DRG2: variants seen among roughly 807,000 people sequenced by gnomAD.
DRG2 encodes the protein developmentally regulated GTP binding protein 2, also known as developmentally-regulated GTP-binding protein 2.
A neutral mutation model predicts 53.4 loss-of-function variants in DRG2; 36 were observed. That is an observed-to-expected ratio of 0.67 (90% CI 0.52 to 0.89). The LOEUF (loss-of-function observed/expected upper bound fraction) is 0.89, where lower values mean the gene tolerates loss of function less well. DRG2 is among the 40% of genes least tolerant of loss of function. The pLI, the probability that DRG2 is intolerant of heterozygous loss-of-function variation, is 0.00. For synonymous variants in DRG2, 167 were observed against 192.1 expected (o/e 0.87, Z 1.08); for missense variants, 342 against 481.2 (o/e 0.71, Z 2.71).
At position 18,100,279 on chromosome 17, in the gene DRG2, G is replaced by T; in HGVS notation, c.468-84G>T. On this transcript the variant is annotated intron_variant, in intron 5 of 12. Transcript: ENST00000225729. The surrounding 1 kb of genome is among the most constrained non-coding windows in gnomAD (Gnocchi z 4.1). ...GGAGGAGAGAGTCAGTCTCTGGGTG[G>T]GCAGTGACATCCTGCGTAACAGGGA... 1 of 1,381,028 alleles carries T rather than the reference G, an allele frequency of 7.2e-7. No individual in the cohort carries two copies. Among genetic ancestry groups the T allele is most frequent in the Non-Finnish European group, 1.0e-6 (1 of 970,254 alleles). 85.5% of individuals were successfully genotyped at this position (1,381,028 alleles called of 1,614,324 possible).
At position 18,107,281 on chromosome 17, in the gene DRG2, T is replaced by G; in HGVS notation, c.*41T>G. 1 of 1,585,478 alleles carries G rather than the reference T, an allele frequency of 6.3e-7. No homozygotes were observed. Among genetic ancestry groups the G allele is most frequent in the Non-Finnish European group, 8.6e-7 (1 of 1,158,384 alleles). ...CTCCCGCCCACCTGCCTCGTCTCCCTGGGGAGGTGGTCCCACTGGGACACA... is the reference window on the plus strand; with the variant it reads ...CTCCCGCCCACCTGCCTCGTCTCCCGGGGGAGGTGGTCCCACTGGGACACA... On this transcript the variant is annotated 3_prime_UTR_variant, in exon 13 of 13. Transcript: ENST00000225729.
Position 18,098,605 on chromosome 17 carries a change from G to C in DRG2, c.315+246G>C. On this transcript the variant is annotated intron_variant, in intron 3 of 12. Coordinates refer to ENST00000225729, the MANE Select transcript of DRG2 (RefSeq NM_001388.5). This position sits in a 1 kb window ranked among gnomAD's most constrained non-coding sequence, Gnocchi z 4.1. ...GTGGCTACTTTGCCTGGCGCCCCCT[G>C]TGCTCTCCTCCCCAACACCACCACA... 2.0e-6 allele frequency: 1 copy of C among 490,280 alleles called. No homozygotes were observed. Among genetic ancestry groups the C allele is most frequent in the Non-Finnish European group, 3.7e-6 (1 of 268,384 alleles). 30.4% of individuals were successfully genotyped at this position (490,280 alleles called of 1,614,324 possible).
At chr17:18,104,893 G>C (rs1023725819) in intron 11 of DRG2, among the ~76,000 whole-genome samples, 1 of 152,208 alleles carries the variant, frequency 6.6e-6, no homozygotes, top group South Asian at 2.1e-4. Context: ...TGTGAGGGGG[G>C]TGTGCTGCCT....
At chr17:18,090,368 T>TTA (rs1242491729) in intron 1 of DRG2, among the ~76,000 whole-genome samples, 105 of 25,498 alleles carry the variant, frequency 4.1e-3, no homozygotes, top group East Asian at 0.021. Context: ...CCGGGCTAAT[T>TTA]TATATATATA....
At chr17:18,096,851 T>A (rs547298007) in intron 2 of DRG2, 9 of 152,326 alleles carry the variant, frequency 5.9e-5, no homozygotes, top group African/African-American at 2.2e-4. Flanking sequence ...CACACCCAGT[T>A]TCCATTGCTC....
In DRG2 at chr17:18,100,624, C is replaced by T. The variant is rs151078395; in HGVS notation, c.596C>T (p.Ser199Leu). ...FNSTVTLTQC[S>L]EKLVQLILHE... The stretch of plus-strand genomic sequence containing the variant: ...TCGACAGTCACGCTGACCCAGTGCT[C>T]GGAAAAGCTGGTGCAGCTCATCCTG... Residue 199 changes from serine to leucine, a missense_variant, in exon 7 of 13, where the codon TCG becomes TTG. Ser to Leu is a moderately radical substitution (Grantham distance 145). Coordinates refer to ENST00000225729, the MANE Select transcript of DRG2 (RefSeq NM_001388.5). The surrounding 1 kb of genome is among the most constrained non-coding windows in gnomAD (Gnocchi z 4.1). The T allele has an allele frequency of 1.5e-5, 24 of 1,614,016 alleles. No homozygotes were observed. The highest frequency in any genetic ancestry group is 1.5e-4 in the African/African-American group (11 of 74,916).
chr17:18,100,062 A>G lies in DRG2; in HGVS notation c.468-301A>G. On this transcript the variant is annotated intron_variant, in intron 5 of 12. Coordinates refer to ENST00000225729, the MANE Select transcript of DRG2 (RefSeq NM_001388.5). The surrounding 1 kb of genome is among the most constrained non-coding windows in gnomAD (Gnocchi z 4.1). ...TTCATCCACATCCTGGCAGAGGGGTACACCAGGCCTGCCTCCTCGGGACCA... is the reference window on the plus strand; with the variant it reads ...TTCATCCACATCCTGGCAGAGGGGTGCACCAGGCCTGCCTCCTCGGGACCA... 3.5e-6 allele frequency: 2 copies of G among 575,284 alleles called. No homozygotes were observed. Among genetic ancestry groups the G allele is most frequent in the Non-Finnish European group, 6.2e-6 (2 of 322,124 alleles). 35.6% of individuals were successfully genotyped at this position (575,284 alleles called of 1,614,324 possible). A position where few individuals can be genotyped will look rare whatever the true frequency, so the allele number is the denominator to read the frequency against.
intron 2 of DRG2, among the ~76,000 whole-genome samples, chr17:18,094,833 G>A (rs1209021879): frequency 3.3e-5 from 5 of 151,562 alleles, no homozygotes; most frequent in African/African-American, 1.2e-4. Context: ...AATTAGCCAG[G>A]GGTGGTGGCG....
rs2045468212 is a variant in DRG2, at chr17:18,098,306, G to A, written c.262G>A (p.Glu88Lys). The A allele has an allele frequency of 1.9e-6, 3 of 1,613,936 alleles. No individual in the cohort carries two copies. Among genetic ancestry groups the A allele is most frequent in the Non-Finnish European group, 2.5e-6 (3 of 1,179,942 alleles). ...FLSLMTSTAS[E>K]AASYEFTTLT... ...GAGTCTGATGACCTCCACGGCCAGC[G>A]AGGCAGCGTCCTATGAGTTCACCAC... Residue 88 changes from glutamate (E) to lysine (K), a missense_variant, in exon 3 of 13, where the codon GAG (glutamate) becomes AAG (lysine). Glu to Lys is a moderately conservative substitution (Grantham distance 56). Transcript: ENST00000225729. The surrounding 1 kb of genome is among the most constrained non-coding windows in gnomAD (Gnocchi z 4.1).
In DRG2 at chr17:18,098,654, G is replaced by A. The variant is rs772158056; in HGVS notation, c.315+295G>A. On this transcript the variant is annotated intron_variant, in intron 3 of 12. Coordinates refer to ENST00000225729, the MANE Select transcript of DRG2 (RefSeq NM_001388.5). This position sits in a 1 kb window ranked among gnomAD's most constrained non-coding sequence, Gnocchi z 4.1. ...CAGCTCTGGTCACTAATTGCTGCTTGGCTGGATCCTTCTGCCTCCCCATGA... is the reference window on the plus strand; with the variant it reads ...CAGCTCTGGTCACTAATTGCTGCTTAGCTGGATCCTTCTGCCTCCCCATGA... Among the ~76,000 whole-genome samples, 2 of 152,210 alleles carry A rather than the reference G, an allele frequency of 1.3e-5. No individual in the cohort carries two copies. Among genetic ancestry groups the A allele is most frequent in the Non-Finnish European group, 2.9e-5 (2 of 68,040 alleles).
intron 1 of DRG2, among the ~76,000 whole-genome samples, chr17:18,089,036 A>G (rs1029800087): frequency 6.6e-6 from 1 of 152,222 alleles, no homozygotes; most frequent in African/African-American, 2.4e-5. Flanking sequence ...GCAGGAAGCA[A>G]GCAACACTAG....
In DRG2 at chr17:18,090,092, G is replaced by T. The variant is rs185010711; in HGVS notation, c.64+2005G>T. Among the ~76,000 whole-genome samples, 29 of 151,854 alleles carry T rather than the reference G, an allele frequency of 1.9e-4. No homozygotes were observed. The East Asian group carries it at 4.6e-3, about 24-fold the overall frequency. On this transcript the variant is annotated intron_variant, in intron 1 of 12. Coordinates refer to ENST00000225729, the MANE Select transcript of DRG2 (RefSeq NM_001388.5). ...CAGTAGTAGACAAAGGAGATATAAA[G>T]GTGATTAAGACCTAGTCCCTCCCTT...
Position 18,098,982 on chromosome 17 carries a change from G to C in DRG2, c.316-35G>C, listed in dbSNP as rs1018155353. The C allele has an allele frequency of 3.1e-6, 5 of 1,612,686 alleles. No individual in the cohort carries two copies. Among genetic ancestry groups the C allele is most frequent in the African/African-American group, 1.3e-5 (1 of 74,924 alleles). ...ACAGGACCTTTCCAGTGGAGGCCCA[G>C]CCTTGCCTTACCTTTCTTCTCTTCT... On this transcript the variant is annotated intron_variant, in intron 3 of 12. Transcript: ENST00000225729. The surrounding 1 kb of genome is among the most constrained non-coding windows in gnomAD (Gnocchi z 4.1).
chr17:18,089,264 A>G (rs2045270551), intron 1 of DRG2, among the ~76,000 whole-genome samples: 1 of 152,076 alleles, frequency 6.6e-6, no homozygotes, highest in Non-Finnish European at 1.5e-5. Context: ...TCAGCCTCCA[A>G]ATAGCTGGGA....
Position 18,099,829 on chromosome 17 carries a change from G to T in DRG2, c.467+106G>T. On this transcript the variant is annotated intron_variant, in intron 5 of 12. Transcript: ENST00000225729. This position sits in a 1 kb window ranked among gnomAD's most constrained non-coding sequence, Gnocchi z 4.4. ...GGGTGTTTGGCTCTCTCACACGTGA[G>T]AGTAGTGGTAGGACTTGTCACAGAC... 1 of 1,147,328 alleles carries T rather than the reference G, an allele frequency of 8.7e-7. No homozygotes were observed. Among genetic ancestry groups the T allele is most frequent in the South Asian group, 1.4e-5 (1 of 69,974 alleles). 71.1% of individuals were successfully genotyped at this position (1,147,328 alleles called of 1,614,324 possible).
At chr17:18,093,319 ATTT>A (rs35706658) in intron 1 of DRG2, among the ~76,000 whole-genome samples, 1 of 141,158 alleles carries the variant, frequency 7.1e-6, no homozygotes. Flanking sequence ...AAGAGGCGGG[ATTT>A]TTTTTTTTTT....
Position 18,101,957 on chromosome 17 carries a change from G to T in DRG2, c.766G>T (p.Val256Leu). ...NKIDQISMEE[V>L]DRLARKPNSV... Reference sequence around the variant, plus strand: ...AATCGACCAGATCTCCATGGAAGAGGTGGACCGCCTGGCCCGAAAACCCAA... The same window carrying T: ...AATCGACCAGATCTCCATGGAAGAGTTGGACCGCCTGGCCCGAAAACCCAA... Residue 256 changes from valine to leucine, a missense_variant, in exon 9 of 13, where the codon GTG (valine) becomes TTG (leucine). Physicochemically the swap from Val to Leu is conservative, Grantham distance 32. Coordinates refer to ENST00000225729, the MANE Select transcript of DRG2 (RefSeq NM_001388.5). 6.2e-7 allele frequency: 1 copy of T among 1,612,638 alleles called. No individual in the cohort carries two copies. Among genetic ancestry groups the T allele is most frequent in the South Asian group, 1.1e-5 (1 of 90,708 alleles).
At chr17:18,106,625 C>T in intron 12 of DRG2, 139 bp downstream of exon 12, 2 of 942,962 alleles carry the variant, frequency 2.1e-6, no homozygotes, top group Non-Finnish European at 3.3e-6. Context: ...TGTCTGTCCT[C>T]CATAGAATGT....
At position 18,088,105 on chromosome 17, in the gene DRG2, G is replaced by A. The variant is rs1213533472; in HGVS notation, c.64+18G>A. 3 of 1,538,092 alleles carry A rather than the reference G, an allele frequency of 2.0e-6. No homozygotes were observed. The highest frequency in any genetic ancestry group is 1.8e-6 in the Non-Finnish European group (2 of 1,141,548). ...GAACAAGGGTGAGGGCCGGCCGGGCGGGGCCTTCCTTTCTGCCTGCCTCAG... is the reference window on the plus strand; with the variant it reads ...GAACAAGGGTGAGGGCCGGCCGGGCAGGGCCTTCCTTTCTGCCTGCCTCAG... On this transcript the variant is annotated intron_variant, in intron 1 of 12. Coordinates refer to ENST00000225729, the MANE Select transcript of DRG2 (RefSeq NM_001388.5).
Sources: allele counts gnomAD v4.1 joint callset (sites outside exome capture counted in the v4.1 genomes callset), GRCh38; gene constraint gnomAD v4.1.1; non-coding constraint Gnocchi (gnomAD v3.1); transcripts MANE v1.5; gene names NCBI Gene and HGNC (gene_info 2026-07-23, HGNC 2026-07-21).